HORMAD2: variants seen among roughly 807,000 people sequenced by gnomAD.
HORMAD2 encodes the protein HORMA domain-containing protein 2.
Under a neutral mutation model 38.8 loss-of-function variants are expected in HORMAD2, and 45 were observed. The ratio of observed to expected loss-of-function variants is 1.16; its 90% CI spans 0.91 to 1.49. The LOEUF (loss-of-function observed/expected upper bound fraction) is 1.49, where lower values mean the gene tolerates loss of function less well. HORMAD2 is among the 40% of genes most tolerant of loss of function. The pLI is 0.00. For missense variants in HORMAD2, 338 were observed against 367.0 expected (o/e 0.92, Z 0.65); for synonymous variants, 126 against 122.8 (o/e 1.03, Z -0.17).
At chr22:30,182,607 G>A in the HORMAD2 span, among the ~76,000 whole-genome samples, 2 of 152,162 alleles carry the variant, frequency 1.3e-5, no homozygotes, top group Admixed American at 1.3e-4. Flanking sequence ...CTATGTGCCT[G>A]ACAAGTGATA....
chr22:30,191,523 G>T, the HORMAD2 span, among the ~76,000 whole-genome samples: 2 of 152,128 alleles, frequency 1.3e-5, no homozygotes, highest in Admixed American at 6.5e-5. Flanking sequence ...AGGAATTAGA[G>T]TCAATGATCT....
chr22:30,100,494 C>A (rs1305080103), intron 3 of HORMAD2, among the ~76,000 whole-genome samples: 1 of 152,100 alleles, frequency 6.6e-6, no homozygotes, highest in Non-Finnish European at 1.5e-5. Flanking sequence ...AGAAGAAAAC[C>A]TAGGCAGTAC....
chr22:30,158,611 G>T (rs56092518), intron 10 of HORMAD2, among the ~76,000 whole-genome samples: 4 of 44,480 alleles, frequency 9.0e-5, no homozygotes, highest in South Asian at 1.1e-3. Context: ...CCCTCCCTCC[G>T]TCCCTCCCTC....
At chr22:30,151,592 A>T (rs1185107193) in intron 10 of HORMAD2, among the ~76,000 whole-genome samples, 3 of 152,218 alleles carry the variant, frequency 2.0e-5, no homozygotes, top group African/African-American at 7.2e-5. Context: ...AAGGAATATT[A>T]GCTCATAGTC....
intron 10 of HORMAD2, among the ~76,000 whole-genome samples, chr22:30,166,475 C>T (rs1050388507): frequency 4.6e-5 from 7 of 152,080 alleles, no homozygotes; most frequent in African/African-American, 1.7e-4. Context: ...TGTAAATGGC[C>T]ACATGTAGCT....
the HORMAD2 span, among the ~76,000 whole-genome samples, chr22:30,200,891 A>G: frequency 6.6e-6 from 1 of 152,018 alleles, no homozygotes; most frequent in Non-Finnish European, 1.5e-5. Flanking sequence ...CTGGGACTAC[A>G]GGTGCCCACC....
chr22:30,166,925 G>A (rs1039822742), intron 10 of HORMAD2, among the ~76,000 whole-genome samples: 1 of 152,170 alleles, frequency 6.6e-6, no homozygotes, highest in Non-Finnish European at 1.5e-5. Flanking sequence ...AAAGAATGTG[G>A]TATGTTTGGA....
At chr22:30,201,903 T>C in the HORMAD2 span, among the ~76,000 whole-genome samples, 11 of 152,172 alleles carry the variant, frequency 7.2e-5, no homozygotes, top group South Asian at 2.1e-4. Context: ...CTGCGTGATA[T>C]GAGAAATGCT....
At chr22:30,171,196 A>G (rs1277730069) in intron 10 of HORMAD2, among the ~76,000 whole-genome samples, 1 of 152,100 alleles carries the variant, frequency 6.6e-6, no homozygotes, top group Non-Finnish European at 1.5e-5. Context: ...TTCCACACCC[A>G]TGGCATTAGT....
At chr22:30,093,062 T>C (rs189574804) in intron 1 of HORMAD2, among the ~76,000 whole-genome samples, 1 of 152,312 alleles carries the variant, frequency 6.6e-6, no homozygotes, top group Admixed American at 6.5e-5. Context: ...CATTTGAATC[T>C]GTAGATTGTT....
intron 10 of HORMAD2, among the ~76,000 whole-genome samples, chr22:30,163,796 A>G (rs1048954438): frequency 2.6e-5 from 4 of 152,258 alleles, no homozygotes; most frequent in South Asian, 2.1e-4. Context: ...TAAAATATAC[A>G]TAATATATAA....
chr22:30,119,624 A>T (rs1922296157), intron 8 of HORMAD2, among the ~76,000 whole-genome samples: 1 of 152,194 alleles, frequency 6.6e-6, no homozygotes, highest in South Asian at 2.1e-4. Flanking sequence ...TTTTTCTCCC[A>T]GTAGCTTTTG....
At chr22:30,194,136 T>C in the HORMAD2 span, among the ~76,000 whole-genome samples, 3 of 152,234 alleles carry the variant, frequency 2.0e-5, no homozygotes, top group African/African-American at 7.2e-5. Flanking sequence ...AGTATTGTCA[T>C]GTCTCTTACC....
chr22:30,087,984 T>C (rs992472343), intron 1 of HORMAD2, among the ~76,000 whole-genome samples: 2 of 151,610 alleles, frequency 1.3e-5, no homozygotes, highest in Non-Finnish European at 2.9e-5. Flanking sequence ...TCTATATATA[T>C]ACATATATAT....
At chr22:30,088,185 AT>A in intron 1 of HORMAD2, among the ~76,000 whole-genome samples, 1 of 150,352 alleles carries the variant, frequency 6.7e-6, no homozygotes, top group South Asian at 2.1e-4. Flanking sequence ...ATATATACAT[AT>A]ATACCTATGT....
Position 30,130,249 on chromosome 22 carries a change from CAG to C in HORMAD2, c.819+8038_819+8039del, listed in dbSNP as rs559916160. ...TTCAGTCACAGAAAGGCAAATATAA[CAG>C]AGTTTCTACTAATGGTTGAAATTAT... On this transcript the variant is annotated intron_variant, in intron 10 of 10. Transcript: ENST00000336726. Among the ~76,000 whole-genome samples, 647 of 152,182 alleles carry C rather than the reference CAG, an allele frequency of 4.3e-3. 5 individuals carry two copies. The highest frequency in any genetic ancestry group is 0.014 in the African/African-American group (602 of 41,532).
At chr22:30,177,830 C>T (rs781046002), downstream of HORMAD2, among the ~76,000 whole-genome samples, 4 of 150,224 alleles carry the variant, frequency 2.7e-5, no homozygotes, top group Non-Finnish European at 5.9e-5. Flanking sequence ...CAAGCATGTG[C>T]CACCATGCCT....
intron 10 of HORMAD2, among the ~76,000 whole-genome samples, chr22:30,161,195 C>G (rs1281280603): frequency 6.6e-6 from 1 of 152,178 alleles, no homozygotes; most frequent in Non-Finnish European, 1.5e-5. Flanking sequence ...TAGAGATCTT[C>G]CATCTTAGAC....
intron 1 of HORMAD2, 144 bp from the exon 2 acceptor site, chr22:30,093,772 A>G (rs2068733245): frequency 8.6e-6 from 4 of 467,820 alleles, no homozygotes; most frequent in Non-Finnish European, 1.5e-5. Flanking sequence ...GAACTGAACA[A>G]TCTTGAAAAC....
Sources: gnomAD v4.1 joint callset for allele counts (sites outside exome capture counted in the v4.1 genomes callset) on GRCh38, gnomAD v4.1.1 for gene constraint, MANE v1.5 for transcripts, NCBI Gene and HGNC (gene_info 2026-07-23, HGNC 2026-07-21) for gene names.